ANGPT1: variants seen among roughly 807,000 people sequenced by gnomAD.
The protein encoded by ANGPT1 is angiopoietin-1.
A neutral mutation model predicts 62.2 loss-of-function variants in ANGPT1; 17 were observed. The ratio of observed to expected loss-of-function variants is 0.27; its 90% confidence interval spans 0.19 to 0.41. The LOEUF (loss-of-function observed/expected upper bound fraction) is 0.41, where lower values mean the gene tolerates loss of function less well. Among genes scored for constraint, ANGPT1 ranks in the 10% least tolerant of loss-of-function variants. ANGPT1 has a pLI of 1.00. For synonymous variants in ANGPT1, 199 were observed against 198.9 expected (o/e 1.00, Z 0.00); for missense variants, 478 against 594.9 (o/e 0.80, Z 2.04).
chr8:107,484,327 A>C (rs2130527730), intron 1 of ANGPT1, among the ~76,000 whole-genome samples: 1 of 152,292 alleles, frequency 6.6e-6, no homozygotes, highest in African/African-American at 2.4e-5. Flanking sequence ...CCTGCTATGT[A>C]TTAAAATATT....
intron 6 of ANGPT1, among the ~76,000 whole-genome samples, chr8:107,287,348 T>C (rs979736459): frequency 1.3e-5 from 2 of 152,174 alleles, no homozygotes; most frequent in East Asian, 1.9e-4. Context: ...TCCCTCTAAA[T>C]GGAAATAAAT....
intron 1 of ANGPT1, among the ~76,000 whole-genome samples, chr8:107,455,558 A>G (rs1490366199): frequency 6.6e-6 from 1 of 152,054 alleles, no homozygotes; most frequent in Non-Finnish European, 1.5e-5. Context: ...AGTAAATACA[A>G]CAGCCTTTGC....
intron 1 of ANGPT1, among the ~76,000 whole-genome samples, chr8:107,473,787 T>C (rs1220181496): frequency 6.6e-6 from 1 of 152,072 alleles, no homozygotes; most frequent in Non-Finnish European, 1.5e-5. Context: ...TAAGGCTCAT[T>C]ACCCTTAGAC....
chr8:107,312,840 C>A (rs1814908342), intron 4 of ANGPT1, among the ~76,000 whole-genome samples: 1 of 152,000 alleles, frequency 6.6e-6, no homozygotes, highest in African/African-American at 2.4e-5. Flanking sequence ...TGTCATGATT[C>A]CTGCTCCTTC....
At chr8:107,275,188 A>G (rs1421537963) in intron 7 of ANGPT1, among the ~76,000 whole-genome samples, 1 of 152,132 alleles carries the variant, frequency 6.6e-6, no homozygotes, top group East Asian at 1.9e-4. Flanking sequence ...GTGTGAAAAA[A>G]TTGATGTGAG....
intron 1 of ANGPT1, among the ~76,000 whole-genome samples, chr8:107,446,166 C>T (rs1415945585): frequency 1.3e-5 from 2 of 152,208 alleles, no homozygotes; most frequent in South Asian, 4.1e-4. Context: ...ATCTGCCCGC[C>T]TTGGCTTCCC....
At chr8:107,461,080 A>T (rs1239017412) in intron 1 of ANGPT1, among the ~76,000 whole-genome samples, 1 of 152,148 alleles carries the variant, frequency 6.6e-6, no homozygotes, top group East Asian at 1.9e-4. Flanking sequence ...TTTTATCTAA[A>T]TATGTGTAAC....
intron 5 of ANGPT1, among the ~76,000 whole-genome samples, chr8:107,298,427 A>C (rs1444844009): frequency 6.6e-6 from 1 of 151,922 alleles, no homozygotes; most frequent in Admixed American, 6.6e-5. Flanking sequence ...ACATAAAATG[A>C]AAGGGAAAGT....
At chr8:107,401,803 C>T (rs917277276) in intron 1 of ANGPT1, among the ~76,000 whole-genome samples, 11 of 152,104 alleles carry the variant, frequency 7.2e-5, no homozygotes, top group African/African-American at 2.2e-4. Flanking sequence ...TTAGATGTCT[C>T]TCAATGCTCA....
At chr8:107,364,415 G>A (rs1816231343) in intron 1 of ANGPT1, among the ~76,000 whole-genome samples, 1 of 152,026 alleles carries the variant, frequency 6.6e-6, no homozygotes, top group Non-Finnish European at 1.5e-5. Flanking sequence ...CTAGTAGCTG[G>A]GATTACAGGT....
chr8:107,380,882 T>C (rs1816624178), intron 1 of ANGPT1, among the ~76,000 whole-genome samples: 1 of 152,130 alleles, frequency 6.6e-6, no homozygotes, highest in Non-Finnish European at 1.5e-5. Flanking sequence ...TGTTTGTTTA[T>C]AGGGGTTTTG....
chr8:107,392,781 G>A (rs1816859762), intron 1 of ANGPT1, among the ~76,000 whole-genome samples: 1 of 152,076 alleles, frequency 6.6e-6, no homozygotes, highest in South Asian at 2.1e-4. Context: ...TTCATATGTG[G>A]TATAATGTAA....
At chr8:107,347,246 G>A (rs1815826620) in intron 1 of ANGPT1, 149 bp from the exon 2 acceptor site, 1 of 693,034 alleles carries the variant, frequency 1.4e-6, no homozygotes, top group Non-Finnish European at 2.3e-6. Flanking sequence ...GGAGAAATGG[G>A]AGCAGAGCAC....
chr8:107,436,988 TTAA>T (rs962870275), intron 1 of ANGPT1, among the ~76,000 whole-genome samples: 2 of 152,230 alleles, frequency 1.3e-5, no homozygotes, highest in African/African-American at 4.8e-5. Flanking sequence ...TGTCAGCTAC[TTAA>T]TTTTATTATT....
At chr8:107,296,146 T>C (rs1237200365) in intron 5 of ANGPT1, among the ~76,000 whole-genome samples, 1 of 152,064 alleles carries the variant, frequency 6.6e-6, no homozygotes, top group East Asian at 1.9e-4. Flanking sequence ...ATGCAATTAC[T>C]TAAATAAGTA....
At chr8:107,270,185 C>T (rs1193258723) in intron 7 of ANGPT1, among the ~76,000 whole-genome samples, 12 of 152,026 alleles carry the variant, frequency 7.9e-5, no homozygotes. Flanking sequence ...ACTCTCTTCA[C>T]ATTTTTGCAT....
intron 8 of ANGPT1, among the ~76,000 whole-genome samples, chr8:107,253,832 G>C (rs1259593872): frequency 6.6e-6 from 1 of 152,172 alleles, no homozygotes; most frequent in East Asian, 1.9e-4. Flanking sequence ...AACAGTAAGA[G>C]CCTGTGAGAG....
intron 6 of ANGPT1, among the ~76,000 whole-genome samples, chr8:107,286,571 T>G (rs1368390800): frequency 1.3e-5 from 2 of 152,130 alleles, no homozygotes; most frequent in African/African-American, 4.8e-5. Flanking sequence ...TTAATGGGTA[T>G]GTGATGTATA....
At chr8:107,375,029 A>G (rs1364434845) in intron 1 of ANGPT1, among the ~76,000 whole-genome samples, 12 of 152,046 alleles carry the variant, frequency 7.9e-5, no homozygotes, top group Non-Finnish European at 5.9e-5. Flanking sequence ...GCGTGGTGGC[A>G]CGCGCCTACA....
Sources: gnomAD v4.1 joint callset for allele counts (sites outside exome capture counted in the v4.1 genomes callset) on GRCh38, gnomAD v4.1.1 for gene constraint, MANE v1.5 for transcripts, NCBI Gene and HGNC (gene_info 2026-07-23, HGNC 2026-07-21) for gene names.